Variants in TNIP1 observed in about 807,000 individuals in gnomAD.
The protein encoded by TNIP1 is TNFAIP3-interacting protein 1.
A neutral mutation model predicts 86.6 loss-of-function variants in TNIP1; 22 were observed. The observed-to-expected ratio is 0.25, with a 90% confidence interval of 0.18 to 0.36. TNIP1 has a LOEUF of 0.36. TNIP1 is among the 10% of genes least tolerant of loss of function. TNIP1 has a pLI of 1.00. For synonymous variants in TNIP1, 294 were observed against 313.0 expected, an observed-to-expected ratio of 0.94 and a Z score of 0.64; for missense variants, 709 against 820.6, an observed-to-expected ratio of 0.86 and a Z score of 1.66.
At chr5:151,063,095 A>G (rs185124859) in intron 3 of TNIP1, among the ~76,000 whole-genome samples, 31 of 152,264 alleles carry the variant, frequency 2.0e-4, no homozygotes, top group Admixed American at 8.5e-4. Context: ...CTGTCCTTTA[A>G]TGGGCAGCAC....
intron 6 of TNIP1, among the ~76,000 whole-genome samples, chr5:151,055,246 A>T (rs971921164): frequency 2.0e-5 from 3 of 152,226 alleles, no homozygotes; most frequent in Non-Finnish European, 4.4e-5. Flanking sequence ...AGAGTATAAG[A>T]AAAAATGTAT....
Position 151,079,698 on chromosome 5 carries a change from A to G in TNIP1, c.-37+1182T>C, listed in dbSNP as rs183537689. 2.6e-5 allele frequency among the ~76,000 whole-genome samples: 4 copies of G among 152,246 alleles called. No homozygotes were observed. The East Asian group carries it at 7.7e-4, about 29-fold the overall frequency. ...CACATAGTAAGCTATTAGCATTATC[A>G]GTTTTTTCACTGCCTCAGTTTCTTC... is the stretch of plus-strand genomic sequence containing the variant. On this transcript the variant is annotated intron_variant, in intron 1 of 17. Coordinates refer to ENST00000521591, the MANE Select transcript of TNIP1 (RefSeq NM_006058.5).
chr5:151,029,988 T>C lies in TNIP1; in HGVS notation c.*725A>G, dbSNP rs957188349. On this transcript the variant is annotated 3_prime_UTR_variant, in exon 18 of 18. Transcript: ENST00000521591. Reference sequence around the variant, plus strand: ...GATTTATGTCCATGATTCGTGCAAATAGCTATCCAGGGATGGACAGCCACC... The same window carrying C: ...GATTTATGTCCATGATTCGTGCAAACAGCTATCCAGGGATGGACAGCCACC... 74 of 441,958 alleles carry C rather than the reference T, an allele frequency of 1.7e-4. No homozygotes were observed. Among genetic ancestry groups the C allele is most frequent in the East Asian group, 7.1e-5 (1 of 14,026 alleles). 27.4% of individuals were successfully genotyped at this position (441,958 alleles called of 1,614,324 possible).
intron 6 of TNIP1, 75 bp from the exon 7 acceptor site, chr5:151,052,334 T>TG (rs1760051222): frequency 1.6e-6 from 2 of 1,284,916 alleles, no homozygotes; most frequent in Non-Finnish European, 1.1e-6. Context: ...TAGAGGATGG[T>TG]GGGGGGCCTG....
chr5:151,054,956 A>G (rs1561847172), intron 6 of TNIP1, among the ~76,000 whole-genome samples: 1 of 152,344 alleles, frequency 6.6e-6, no homozygotes, highest in East Asian at 1.9e-4. Context: ...TTGCTGTCCT[A>G]CCCTTGCAGT....
chr5:151,059,182 G>T (rs546080986), intron 5 of TNIP1, among the ~76,000 whole-genome samples: 2 of 152,362 alleles, frequency 1.3e-5, no homozygotes, highest in Admixed American at 1.3e-4. Context: ...TAGAGCTAAT[G>T]AGGAACTTAC....
chr5:151,079,254 A>C (rs1420132074), intron 1 of TNIP1, among the ~76,000 whole-genome samples: 1 of 152,226 alleles, frequency 6.6e-6, no homozygotes, highest in African/African-American at 2.4e-5. Flanking sequence ...CCAGGATTCA[A>C]GCGTTGCTAG....
intron 1 of TNIP1, among the ~76,000 whole-genome samples, chr5:151,086,471 A>C (rs1177797644): frequency 1.3e-5 from 2 of 152,152 alleles, no homozygotes; most frequent in African/African-American, 4.8e-5. Context: ...CTCAGCCTCC[A>C]CTATGTTCCC....
At chr5:151,069,730 GGAAAGACGGCACA>G (rs1762624739) in intron 1 of TNIP1, among the ~76,000 whole-genome samples, 1 of 152,206 alleles carries the variant, frequency 6.6e-6, no homozygotes, top group Non-Finnish European at 1.5e-5. Flanking sequence ...GGGGTCTCCA[GGAAAGACGGCACA>G]GAACAGAACG....
At chr5:151,034,294 G>T (rs1157505231) in intron 15 of TNIP1, among the ~76,000 whole-genome samples, 8 of 149,386 alleles carry the variant, frequency 5.4e-5, no homozygotes, top group Non-Finnish European at 1.2e-4. Flanking sequence ...GGCAGTGAAG[G>T]CTGGTACATG....
At chr5:151,049,792 G>A in intron 8 of TNIP1, 32 bp downstream of exon 8, 1 of 1,613,490 alleles carries the variant, frequency 6.2e-7, no homozygotes, top group South Asian at 1.1e-5. Flanking sequence ...CTGCAACCAA[G>A]GATGCTACAG....
At chr5:151,067,964 C>G (rs572935353) in intron 1 of TNIP1, among the ~76,000 whole-genome samples, 43 of 152,280 alleles carry the variant, frequency 2.8e-4, no homozygotes, top group African/African-American at 1.0e-3. Flanking sequence ...CTGAAACCCA[C>G]CCCACGTCCT....
chr5:151,041,664 G>A (rs1327460447), intron 11 of TNIP1, among the ~76,000 whole-genome samples: 4 of 152,164 alleles, frequency 2.6e-5, no homozygotes, highest in African/African-American at 9.7e-5. Context: ...ACCCAACCCG[G>A]CCTTCTCTGC....
At position 151,043,461 on chromosome 5, in the gene TNIP1, T is replaced by C. The variant is rs145506538; in HGVS notation, c.937-500A>G. Among the ~76,000 whole-genome samples, 859 of 152,218 alleles carry C rather than the reference T, an allele frequency of 5.6e-3. 10 individuals are homozygous for C. Among genetic ancestry groups the C allele is most frequent in the African/African-American group, 0.02 (814 of 41,540 alleles). ...AAGAAACGATAGTATAAACAGACAA[T>C]GTGCAGCTGTTAAGAAAATAAGAAA... On this transcript the variant is annotated intron_variant, in intron 9 of 17. Transcript: ENST00000521591.
At position 151,062,136 on chromosome 5, in the gene TNIP1, A is replaced by T. The variant is rs1761651075; in HGVS notation, c.348T>A (p.Pro116=). ...TCCAAATAAAACTTACACTGGATGG[A>T]GGCTTCTGGACTGGTGCTGGCTTGT... The part of the protein sequence containing the change: ...PSDKPAPVQK[P]PSSGTSSEFE... Residue 116 remains proline (P), a synonymous_variant, in exon 4 of 18, where the codon CCT becomes CCA. Transcript: ENST00000521591. The T allele has an allele frequency of 6.2e-7, 1 of 1,613,958 alleles. No individual in the cohort carries two copies. The highest frequency in any genetic ancestry group is 1.3e-5 in the African/African-American group (1 of 74,918).
At chr5:151,043,285 C>A (rs1262426165) in intron 9 of TNIP1, among the ~76,000 whole-genome samples, 1 of 152,178 alleles carries the variant, frequency 6.6e-6, no homozygotes, top group African/African-American at 2.4e-5. Flanking sequence ...ACATTTTCAT[C>A]AACTTTAACC....
upstream of TNIP1, among the ~76,000 whole-genome samples, chr5:151,081,579 G>A (rs542740457): frequency 1.9e-4 from 29 of 152,234 alleles, no homozygotes; most frequent in Non-Finnish European, 4.1e-4. Flanking sequence ...TCCAGACATT[G>A]TAAAGGATTC....
intron 1 of TNIP1, among the ~76,000 whole-genome samples, chr5:151,079,096 C>T (rs538415435): frequency 6.6e-6 from 1 of 152,310 alleles, no homozygotes; most frequent in South Asian, 2.1e-4. Flanking sequence ...AACGTGGTTA[C>T]ATAAGCGTGT....
intron 16 of TNIP1, 86 bp downstream of exon 16, chr5:151,033,522 G>A (rs764356458): frequency 1.5e-5 from 14 of 940,070 alleles, no homozygotes; most frequent in Non-Finnish European, 2.1e-5. Flanking sequence ...TGCAGTTTCT[G>A]AACCCCTCAC....
Sources: gnomAD v4.1 joint callset for allele counts (sites outside exome capture counted in the v4.1 genomes callset) on GRCh38, gnomAD v4.1.1 for gene constraint, MANE v1.5 for transcripts, NCBI Gene and HGNC (gene_info 2026-07-23, HGNC 2026-07-21) for gene names.